Variants in ZNF804B observed in about 807,000 individuals in gnomAD.
ZNF804B encodes zinc finger protein 804B.
ZNF804B carries 80 observed loss-of-function variants against 101.4 expected under a neutral mutation model. The observed-to-expected ratio is 0.79, with a 90% CI of 0.66 to 0.95. The LOEUF (loss-of-function observed/expected upper bound fraction) is 0.95. Among genes scored for constraint, ZNF804B ranks in the 40% least tolerant of loss-of-function variants. The pLI, the probability that ZNF804B is intolerant of heterozygous loss-of-function variation, is 0.00. For missense variants in ZNF804B, 1,673 were observed against 1,561.9 expected, an observed-to-expected ratio of 1.07 and a Z score of -1.20; for synonymous variants, 622 against 558.8, an observed-to-expected ratio of 1.11 and a Z score of -1.59.
chr7:89,225,251 T>C (rs1407516748), intron 2 of ZNF804B, among the ~76,000 whole-genome samples: 3 of 152,114 alleles, frequency 2.0e-5, no homozygotes, highest in Non-Finnish European at 4.4e-5. Context: ...GTGAGCTGGT[T>C]GTTTAACTAT....
At chr7:89,023,322 T>A (rs1788697881) in intron 1 of ZNF804B, among the ~76,000 whole-genome samples, 1 of 148,382 alleles carries the variant, frequency 6.7e-6, no homozygotes, top group African/African-American at 2.6e-5. Flanking sequence ...GTATTTAAGT[T>A]CCTAGTGTAA....
At chr7:88,811,825 A>G (rs777081352) in intron 1 of ZNF804B, among the ~76,000 whole-genome samples, 1 of 143,310 alleles carries the variant, frequency 7.0e-6, no homozygotes, top group African/African-American at 2.5e-5. Flanking sequence ...CCTGTGAGAC[A>G]GGGGAGGGAG....
At chr7:89,201,069 AT>A (rs1392782343) in intron 1 of ZNF804B, among the ~76,000 whole-genome samples, 1 of 151,922 alleles carries the variant, frequency 6.6e-6, no homozygotes, top group Non-Finnish European at 1.5e-5. Context: ...ATTTATTTAG[AT>A]TTTTTAAGAT....
chr7:89,096,045 C>A (rs1217427037), intron 1 of ZNF804B, among the ~76,000 whole-genome samples: 2 of 151,588 alleles, frequency 1.3e-5, no homozygotes, highest in Non-Finnish European at 2.9e-5. Flanking sequence ...GTCCCAGCTA[C>A]TCGGGAGGCT....
intron 1 of ZNF804B, among the ~76,000 whole-genome samples, chr7:88,874,230 CA>C (rs1246874100): frequency 1.2e-4 from 18 of 152,048 alleles, no homozygotes. Flanking sequence ...CTCTTTGAAG[CA>C]ATTGTGAATG....
rs11970801 is a variant in ZNF804B at position 88,937,729 on chromosome 7, A to T, written c.108+177645A>T. Among the ~76,000 whole-genome samples the T allele has an allele frequency of 3.9e-5, 6 of 152,022 alleles. No individual in the cohort carries two copies. The East Asian group carries it at 1.2e-3, about 29-fold the overall frequency. On this transcript the variant is annotated intron_variant, in intron 1 of 3. Coordinates refer to ENST00000333190, the MANE Select transcript of ZNF804B (RefSeq NM_181646.5). ...ACATAGTGGCAAACAATGTTTTCAG[A>T]AAAGAAAAATCAATATGTGTGCACC...
At chr7:88,827,727 C>G (rs1316370807) in intron 1 of ZNF804B, among the ~76,000 whole-genome samples, 1 of 152,112 alleles carries the variant, frequency 6.6e-6, no homozygotes, top group Non-Finnish European at 1.5e-5. Context: ...TAAAGGCGTT[C>G]TCTGTGCAGC....
At chr7:89,230,998 T>G (rs1209079883) in intron 2 of ZNF804B, among the ~76,000 whole-genome samples, 24 of 152,084 alleles carry the variant, frequency 1.6e-4, no homozygotes, top group Admixed American at 1.6e-3. Context: ...TGCAAATCCT[T>G]TATGAGATAC....
intron 1 of ZNF804B, among the ~76,000 whole-genome samples, chr7:88,929,924 A>AT (rs914533531): frequency 5.9e-5 from 9 of 151,856 alleles, no homozygotes; most frequent in African/African-American, 1.9e-4. Flanking sequence ...ACGACTAAGC[A>AT]TTTTTTCTCG....
chr7:89,159,654 CTCTT>C (rs1284882000), intron 1 of ZNF804B, among the ~76,000 whole-genome samples: 2 of 152,106 alleles, frequency 1.3e-5, no homozygotes, highest in Non-Finnish European at 2.9e-5. Flanking sequence ...CATCAATGAA[CTCTT>C]TCTTCCAATA....
At chr7:88,778,194 T>C (rs1397173012) in intron 1 of ZNF804B, among the ~76,000 whole-genome samples, 1 of 152,146 alleles carries the variant, frequency 6.6e-6, no homozygotes, top group African/African-American at 2.4e-5. Context: ...TAGATAGAAG[T>C]TCCCTACATT....
At chr7:89,245,932 TCAAGC>T (rs1380341505) in intron 2 of ZNF804B, among the ~76,000 whole-genome samples, 1 of 152,148 alleles carries the variant, frequency 6.6e-6, no homozygotes, top group African/African-American at 2.4e-5. Context: ...TTTGTTTCAC[TCAAGC>T]CATGGAGCTA....
intron 1 of ZNF804B, among the ~76,000 whole-genome samples, chr7:89,157,560 G>A (rs546172185): frequency 7.9e-5 from 12 of 151,998 alleles, no homozygotes; most frequent in Non-Finnish European, 1.8e-4. Flanking sequence ...TCCAGTGACT[G>A]CAATTTTAAA....
chr7:88,929,203 C>T (rs1157997071), intron 1 of ZNF804B, among the ~76,000 whole-genome samples: 1 of 151,788 alleles, frequency 6.6e-6, no homozygotes, highest in Non-Finnish European at 1.5e-5. Flanking sequence ...TCCCAAGCCT[C>T]CTAATTAGTA....
At chr7:88,772,741 T>G (rs374760528) in intron 1 of ZNF804B, among the ~76,000 whole-genome samples, 4 of 152,188 alleles carry the variant, frequency 2.6e-5, no homozygotes, top group African/African-American at 9.7e-5. Context: ...ACTCAAAATT[T>G]CTTACTCCCG....
At chr7:88,830,530 CT>C (rs536830042) in intron 1 of ZNF804B, among the ~76,000 whole-genome samples, 31 of 151,976 alleles carry the variant, frequency 2.0e-4, no homozygotes, top group East Asian at 5.8e-4. Flanking sequence ...ACCCTTACAT[CT>C]TTTTTTAAAC....
At chr7:89,220,003 G>GTGTGCATATATATGTATATACA (rs1554380200) in intron 2 of ZNF804B, among the ~76,000 whole-genome samples, 1 of 22,990 alleles carries the variant, frequency 4.3e-5, no homozygotes, top group Non-Finnish European at 7.6e-5. Flanking sequence ...ATATGTATAT[G>GTGTGCATATATATGTATATACA]CACATATATG....
chr7:88,903,091 C>T (rs1438132479), intron 1 of ZNF804B, among the ~76,000 whole-genome samples: 2 of 151,552 alleles, frequency 1.3e-5, no homozygotes, highest in African/African-American at 2.4e-5. Context: ...AACCCATCAC[C>T]CTTCCCCCTT....
chr7:89,331,068 A>T (rs1345246353), intron 3 of ZNF804B, among the ~76,000 whole-genome samples: 11 of 151,578 alleles, frequency 7.3e-5, no homozygotes, highest in Non-Finnish European at 1.5e-5. Context: ...TTGGGAAAGG[A>T]AGAACAATAG....
Sources: gnomAD v4.1 joint callset for allele counts (sites outside exome capture counted in the v4.1 genomes callset) on GRCh38, gnomAD v4.1.1 for gene constraint, MANE v1.5 for transcripts, NCBI Gene and HGNC (gene_info 2026-07-23, HGNC 2026-07-21) for gene names.